FTO: variants seen among roughly 807,000 people sequenced by gnomAD.
FTO encodes FTO alpha-ketoglutarate dependent dioxygenase, also known as alpha-ketoglutarate-dependent dioxygenase FTO.
In FTO, 47 loss-of-function variants were observed where a neutral mutation model predicts 63.9. That is an observed-to-expected ratio of 0.74 (90% CI 0.58 to 0.94). The LOEUF (loss-of-function observed/expected upper bound fraction) is 0.94. FTO is among the 40% of genes least tolerant of loss of function. The probability of loss-of-function intolerance (pLI) is 0.00; values close to 1 mark genes in which losing one functional copy is unlikely to be tolerated. For missense variants in FTO, 562 were observed against 618.1 expected, an observed-to-expected ratio of 0.91 and a Z score of 0.96; for synonymous variants, 207 against 224.4, an observed-to-expected ratio of 0.92 and a Z score of 0.69.
chr16:53,826,189 C>T lies in FTO; in HGVS notation c.449C>T (p.Thr150Ile), dbSNP rs753133541. ...CTCAATGACTACCTGCAGATAGAAA[C>T]CATCCAGGCTTTGGAAGAACTTGCT... ...LKLNDYLQIE[T>I]IQALEELAAK... Residue 150 changes from threonine (T) to isoleucine (I), a missense_variant, in exon 3 of 9, where the codon ACC (threonine) becomes ATC (isoleucine). Coordinates refer to ENST00000471389, the MANE Select transcript of FTO (RefSeq NM_001080432.3). 1.2e-6 allele frequency: 2 copies of T among 1,614,112 alleles called. No individual in the cohort carries two copies. The highest frequency in any genetic ancestry group is 1.7e-6 in the Non-Finnish European group (2 of 1,180,012).
intron 8 of FTO, among the ~76,000 whole-genome samples, chr16:54,084,934 A>C (rs779090253): frequency 6.3e-4 from 96 of 152,360 alleles, no homozygotes; most frequent in Non-Finnish European, 1.1e-3. Context: ...AAAATCACTT[A>C]GGCAGAAAAT....
At position 53,738,394 on chromosome 16, in the gene FTO, G is replaced by A. The variant is rs182219611; in HGVS notation, c.45+34165G>A. On this transcript the variant is annotated intron_variant, in intron 1 of 8. Coordinates refer to ENST00000471389, the MANE Select transcript of FTO (RefSeq NM_001080432.3). ...TGGTGTCAGGCAGTCCTCCCTCCTC[G>A]GCCTCCCAAAGTGCACGGATTACAG... is the stretch of plus-strand genomic sequence containing the variant. Among the ~76,000 whole-genome samples, 224 of 152,090 alleles carry A rather than the reference G, an allele frequency of 1.5e-3. 1 individual carries two copies. Among genetic ancestry groups the A allele is most frequent in the African/African-American group, 5.1e-3 (212 of 41,474 alleles).
chr16:53,738,025 CTTTTT>C (rs35487919), intron 1 of FTO, among the ~76,000 whole-genome samples: 1 of 125,518 alleles, frequency 8.0e-6, no homozygotes. Context: ...ACAATCGTAG[CTTTTT>C]TTTTTTTTTT....
At chr16:53,778,883 G>A (rs1442224498) in intron 1 of FTO, among the ~76,000 whole-genome samples, 1 of 134,106 alleles carries the variant, frequency 7.5e-6, no homozygotes, top group South Asian at 2.4e-4. Context: ...TTGAATTGTT[G>A]TTTCTGTTAG....
At chr16:53,774,177 C>T (rs2077407401) in intron 1 of FTO, among the ~76,000 whole-genome samples, 1 of 152,128 alleles carries the variant, frequency 6.6e-6, no homozygotes, top group Non-Finnish European at 1.5e-5. Context: ...GGACCACTAA[C>T]TTACCCTCTA....
chr16:53,793,694 C>T (rs763180748), intron 1 of FTO, among the ~76,000 whole-genome samples: 3 of 152,078 alleles, frequency 2.0e-5, no homozygotes, highest in Admixed American at 6.6e-5. Context: ...ACGCGGGAGA[C>T]GGAGCTTTCA....
In FTO at chr16:54,007,739, G is replaced by A. The variant is rs1599192004; in HGVS notation, c.1364+73630G>A. 2.0e-5 allele frequency among the ~76,000 whole-genome samples: 3 copies of A among 152,342 alleles called. No homozygotes were observed. In the East Asian group the frequency reaches 5.8e-4, roughly 29 times the overall value. On this transcript the variant is annotated intron_variant, in intron 8 of 8. Coordinates refer to ENST00000471389, the MANE Select transcript of FTO (RefSeq NM_001080432.3). ...CCATTGATTGTGACCCTAAGGGAAT[G>A]CTGGTCCTGTGTCGCCAGAGCTTCT...
intron 1 of FTO, among the ~76,000 whole-genome samples, chr16:53,752,663 A>G (rs1035032583): frequency 2.0e-5 from 3 of 152,120 alleles, no homozygotes; most frequent in African/African-American, 7.2e-5. Context: ...CATCCCTTCA[A>G]TTCACCCTCC....
At chr16:53,937,759 A>G (rs2082425080) in intron 8 of FTO, 1 of 152,474 alleles carries the variant, frequency 6.6e-6, no homozygotes, top group South Asian at 2.1e-4. Context: ...TGACCCATGC[A>G]AGGAGCTGGA....
At chr16:53,800,176 C>T (rs1264731187) in intron 1 of FTO, among the ~76,000 whole-genome samples, 1 of 151,962 alleles carries the variant, frequency 6.6e-6, no homozygotes, top group African/African-American at 2.4e-5. Flanking sequence ...TAGGTGCATC[C>T]TACAAATTTT....
chr16:53,798,264 TC>T (rs1406566688), intron 1 of FTO, among the ~76,000 whole-genome samples: 1 of 152,172 alleles, frequency 6.6e-6, no homozygotes, highest in Non-Finnish European at 1.5e-5. Flanking sequence ...TTTTACTTTT[TC>T]AAAGATGTTT....
intron 8 of FTO, among the ~76,000 whole-genome samples, chr16:54,066,872 G>A (rs2085744468): frequency 6.6e-6 from 1 of 152,212 alleles, no homozygotes; most frequent in South Asian, 2.1e-4. Context: ...CCCCAGCTTG[G>A]ATCACAAGGG....
In FTO at chr16:54,045,068, C is replaced by G. The variant is rs2085149867; in HGVS notation, c.1365-66694C>G. Among the ~76,000 whole-genome samples, 4 of 83,808 alleles carry G rather than the reference C, an allele frequency of 4.8e-5. 1 individual carries two copies. In the Admixed American group the frequency reaches 5.0e-4, roughly 10 times the overall value. 55.0% of individuals were successfully genotyped at this position (83,808 alleles called of 152,430 possible). A position where few individuals can be genotyped will look rare whatever the true frequency, so the allele number is the denominator to read the frequency against. On this transcript the variant is annotated intron_variant, in intron 8 of 8. Transcript: ENST00000471389. ...AAAGAACTAGAAAAGCAAGAGCAAA[C>G]ACATTCAAAAGCTAGCAGAAGGCAA...
chr16:53,868,146 C>G (rs1213974096), intron 4 of FTO, among the ~76,000 whole-genome samples: 1 of 151,966 alleles, frequency 6.6e-6, no homozygotes, highest in Non-Finnish European at 1.5e-5. Context: ...CTGATAATCT[C>G]TTATTTTTTA....
At chr16:53,850,541 A>G (rs1451116751) in intron 4 of FTO, among the ~76,000 whole-genome samples, 1 of 152,124 alleles carries the variant, frequency 6.6e-6, no homozygotes, top group Non-Finnish European at 1.5e-5. Context: ...TGAGTACTTG[A>G]AAGGCTTTAT....
At chr16:53,739,360 C>T (rs965881867) in intron 1 of FTO, among the ~76,000 whole-genome samples, 15 of 150,792 alleles carry the variant, frequency 9.9e-5, no homozygotes, top group East Asian at 7.8e-4. Flanking sequence ...CGCCCGCCAC[C>T]ACACCTGGCT....
intron 8 of FTO, among the ~76,000 whole-genome samples, chr16:54,010,569 C>T (rs1313294534): frequency 3.6e-5 from 4 of 111,956 alleles, no homozygotes; most frequent in African/African-American, 1.8e-4. Flanking sequence ...AAAATCAGTC[C>T]TGTTAAAAAA....
chr16:54,027,726 G>A (rs946397260), intron 8 of FTO, among the ~76,000 whole-genome samples: 1 of 152,160 alleles, frequency 6.6e-6, no homozygotes, highest in Non-Finnish European at 1.5e-5. Context: ...TAACTGGGAT[G>A]TAGCCAAAAT....
intron 8 of FTO, among the ~76,000 whole-genome samples, chr16:54,108,898 C>T (rs557449875): frequency 8.5e-5 from 13 of 152,262 alleles, no homozygotes; most frequent in African/African-American, 2.6e-4. Context: ...CCCTGCTTCC[C>T]ATCTTTGGAA....
Sources: gnomAD v4.1 joint callset for allele counts (sites outside exome capture counted in the v4.1 genomes callset) on GRCh38, gnomAD v4.1.1 for gene constraint, MANE v1.5 for transcripts, NCBI Gene and HGNC (gene_info 2026-07-23, HGNC 2026-07-21) for gene names.